PLPP3: variants seen among roughly 807,000 people sequenced by gnomAD.
PLPP3 encodes the protein PAP2 beta.
In PLPP3, 6 loss-of-function variants were observed where a neutral mutation model predicts 29.6. The ratio of observed to expected loss-of-function variants is 0.20; its 90% CI spans 0.11 to 0.40. PLPP3 has a LOEUF of 0.40. PLPP3 is among the 10% of genes least tolerant of loss of function. The pLI is 1.00. For missense variants in PLPP3, 308 were observed against 407.7 expected, an observed-to-expected ratio of 0.76 and a Z score of 2.11; for synonymous variants, 152 against 159.7, an observed-to-expected ratio of 0.95 and a Z score of 0.36.
intron 5 of PLPP3, among the ~76,000 whole-genome samples, chr1:56,497,541 C>T (rs1024196086): frequency 2.3e-4 from 35 of 152,162 alleles, no homozygotes; most frequent in South Asian, 1.5e-3. Context: ...TAACCATAAG[C>T]GGCAGCTATC....
chr1:56,545,616 GC>G (rs1259201018), intron 1 of PLPP3, among the ~76,000 whole-genome samples: 3 of 152,152 alleles, frequency 2.0e-5, no homozygotes, highest in Non-Finnish European at 4.4e-5. Context: ...TGGGAACCCT[GC>G]CATATATTCT....
intron 1 of PLPP3, among the ~76,000 whole-genome samples, chr1:56,557,579 T>C (rs1159239189): frequency 1.3e-5 from 2 of 152,230 alleles, no homozygotes; most frequent in East Asian, 3.8e-4. Context: ...AATGCACTAA[T>C]GAATGCAGTT....
chr1:56,558,737 G>C (rs1646100489), intron 1 of PLPP3, among the ~76,000 whole-genome samples: 2 of 152,206 alleles, frequency 1.3e-5, no homozygotes, highest in Admixed American at 1.3e-4. Flanking sequence ...ATGGGGCCAG[G>C]ATCGGAACCC....
intron 1 of PLPP3, among the ~76,000 whole-genome samples, chr1:56,578,009 T>C (rs575475761): frequency 1.3e-5 from 2 of 152,050 alleles, no homozygotes; most frequent in African/African-American, 4.8e-5. Flanking sequence ...CCTACCGAGT[T>C]CATAAATCCT....
chr1:56,561,742 G>C (rs1319696525), intron 1 of PLPP3, among the ~76,000 whole-genome samples: 1 of 152,080 alleles, frequency 6.6e-6, no homozygotes, highest in Non-Finnish European at 1.5e-5. Flanking sequence ...GAGGTAAGTA[G>C]CTTCTTTTTT....
At chr1:56,577,162 C>G (rs1318573054) in intron 1 of PLPP3, among the ~76,000 whole-genome samples, 1 of 152,204 alleles carries the variant, frequency 6.6e-6, no homozygotes, top group Non-Finnish European at 1.5e-5. Context: ...TTACAGCAAA[C>G]AGCTTCCATG....
At chr1:56,539,726 G>A (rs1035893848) in intron 1 of PLPP3, among the ~76,000 whole-genome samples, 1 of 152,168 alleles carries the variant, frequency 6.6e-6, no homozygotes. Context: ...GGGGTTAGGA[G>A]CCTGGGAGAG....
chr1:56,559,960 G>A (rs913768639), intron 1 of PLPP3, among the ~76,000 whole-genome samples: 4 of 152,172 alleles, frequency 2.6e-5, no homozygotes, highest in African/African-American at 9.7e-5. Flanking sequence ...CTTCAGTGCA[G>A]TCCCTTCCTT....
At chr1:56,550,729 A>AC (rs2100282378) in intron 1 of PLPP3, among the ~76,000 whole-genome samples, 1 of 128,346 alleles carries the variant, frequency 7.8e-6, no homozygotes, top group East Asian at 2.5e-4. Flanking sequence ...CCTCCCACCC[A>AC]CCCCCACACA....
In PLPP3 at chr1:56,572,056, T is replaced by G. The variant is rs1646202451; in HGVS notation, c.139+6822A>C. Among the ~76,000 whole-genome samples the G allele has an allele frequency of 2.9e-5, 4 of 140,302 alleles. No homozygotes were observed. The South Asian group carries it at 9.6e-4, about 34-fold the overall frequency. 92.0% of individuals were successfully genotyped at this position (140,302 alleles called of 152,430 possible). A position where few individuals can be genotyped will look rare whatever the true frequency, so the allele number is the denominator to read the frequency against. ...CAATCATTTCTGGTTTTTTTTTTTT[T>G]TTTTTTTTTTTGAGACAGAGTCTCG... On this transcript the variant is annotated intron_variant, in intron 1 of 5. Transcript: ENST00000371250.
chr1:56,563,632 G>A (rs994019705), intron 1 of PLPP3, among the ~76,000 whole-genome samples: 1 of 152,174 alleles, frequency 6.6e-6, no homozygotes, highest in African/African-American at 2.4e-5. Context: ...GATTCTAGCA[G>A]AGCATTTTCC....
At chr1:56,573,680 A>G (rs1646215776) in intron 1 of PLPP3, among the ~76,000 whole-genome samples, 1 of 152,186 alleles carries the variant, frequency 6.6e-6, no homozygotes, top group East Asian at 1.9e-4. Context: ...ATACTGGTGT[A>G]ATAGGCAACC....
chr1:56,560,999 G>A (rs946374391), intron 1 of PLPP3, among the ~76,000 whole-genome samples: 3 of 149,534 alleles, frequency 2.0e-5, no homozygotes, highest in South Asian at 2.1e-4. Context: ...CACCATGCCC[G>A]GGTAATTTTT....
At chr1:56,576,764 C>T (rs1051582577) in intron 1 of PLPP3, among the ~76,000 whole-genome samples, 1 of 151,860 alleles carries the variant, frequency 6.6e-6, no homozygotes, top group African/African-American at 2.4e-5. Context: ...TTTGGGGGGA[C>T]GGGGGATAGT....
intron 1 of PLPP3, among the ~76,000 whole-genome samples, chr1:56,559,376 G>A (rs890512162): frequency 6.6e-6 from 1 of 151,880 alleles, no homozygotes; most frequent in African/African-American, 2.4e-5. Flanking sequence ...GAATTTAGAG[G>A]AACAGTAAGC....
intron 5 of PLPP3, among the ~76,000 whole-genome samples, chr1:56,507,170 G>A (rs894846855): frequency 6.6e-6 from 1 of 152,188 alleles, no homozygotes; most frequent in Non-Finnish European, 1.5e-5. Context: ...AAAGTTCTCG[G>A]CTGTCATGCC....
chr1:56,566,324 T>C lies in PLPP3; in HGVS notation c.139+12554A>G, dbSNP rs561234881. Among the ~76,000 whole-genome samples the C allele has an allele frequency of 7.0e-4, 107 of 152,256 alleles. 2 individuals carry two copies. Among genetic ancestry groups the C allele is most frequent in the African/African-American group, 2.3e-3 (96 of 41,530 alleles). ...TAGGGCCTAGTAGTTAAGAATGACC[T>C]CACCAGGCAGACGTCTGACCCCACC... On this transcript the variant is annotated intron_variant, in intron 1 of 5. Coordinates refer to ENST00000371250, the MANE Select transcript of PLPP3 (RefSeq NM_003713.5).
intron 1 of PLPP3, among the ~76,000 whole-genome samples, chr1:56,552,114 A>C (rs1248954607): frequency 4.6e-5 from 7 of 151,934 alleles, no homozygotes; most frequent in Admixed American, 1.3e-4. Flanking sequence ...AAGGTTCCAG[A>C]CCTGAAGGCT....
chr1:56,544,757 T>G (rs1015912195), intron 1 of PLPP3, among the ~76,000 whole-genome samples: 5 of 152,190 alleles, frequency 3.3e-5, no homozygotes, highest in Non-Finnish European at 4.4e-5. Flanking sequence ...TATTCACATA[T>G]TAGCAACCTA....
Sources: allele counts gnomAD v4.1 joint callset (sites outside exome capture counted in the v4.1 genomes callset), GRCh38; gene constraint gnomAD v4.1.1; transcripts MANE v1.5; gene names NCBI Gene and HGNC (gene_info 2026-07-23, HGNC 2026-07-21).